The following GPR39 variants were observed in gnomAD, a reference collection of about 807,000 sequenced individuals.
GPR39 encodes G protein-coupled receptor 39.
Under a neutral mutation model 18.4 loss-of-function variants are expected in GPR39, and 23 were observed. The observed-to-expected ratio is 1.25, with a 90% CI of 0.90 to 1.77. The LOEUF (loss-of-function observed/expected upper bound fraction) is 1.77. GPR39 is among the 40% of genes most tolerant of loss of function. The pLI is 0.00. For synonymous variants in GPR39, 280 were observed against 257.9 expected, an observed-to-expected ratio of 1.09 and a Z score of -0.82; for missense variants, 647 against 602.4, an observed-to-expected ratio of 1.07 and a Z score of -0.78.
chr2:132,427,317 C>A (rs1276400895), intron 1 of GPR39, among the ~76,000 whole-genome samples: 1 of 147,220 alleles, frequency 6.8e-6, no homozygotes, highest in Non-Finnish European at 1.5e-5. Flanking sequence ...GCGCCTGCCA[C>A]CACACCTGGC....
Position 132,546,473 on chromosome 2 carries a change from C to T in GPR39, c.857-98628C>T, listed in dbSNP as rs984271729. ...GTTGGGTTAAGACTAATCCTGAGAC[C>T]GTAAGTTGTAGTCCAGCCTAGCTGA... On this transcript the variant is annotated intron_variant, in intron 1 of 1. Coordinates refer to ENST00000329321, the MANE Select transcript of GPR39 (RefSeq NM_001508.3). 3.9e-5 allele frequency among the ~76,000 whole-genome samples: 6 copies of T among 152,100 alleles called. No homozygotes were observed. In the East Asian group the frequency reaches 7.7e-4, roughly 20 times the overall value.
At chr2:132,469,875 C>G (rs530802963) in intron 1 of GPR39, among the ~76,000 whole-genome samples, 27 of 152,240 alleles carry the variant, frequency 1.8e-4, no homozygotes, top group Admixed American at 9.2e-4. Context: ...CTGCTGTGCC[C>G]GAAGTTCTGT....
chr2:132,553,552 G>A (rs1016902132), intron 1 of GPR39, among the ~76,000 whole-genome samples: 10 of 151,942 alleles, frequency 6.6e-5, no homozygotes, highest in Non-Finnish European at 1.3e-4. Context: ...GTCCCTCCTC[G>A]AGGGACACAA....
Position 132,566,491 on chromosome 2 carries a change from C to T in GPR39, c.857-78610C>T, listed in dbSNP as rs140598359. 2.7e-3 allele frequency among the ~76,000 whole-genome samples: 412 copies of T among 152,270 alleles called. 1 individual carries two copies. Among genetic ancestry groups the T allele is most frequent in the African/African-American group, 8.6e-3 (358 of 41,560 alleles). ...AAGCGGGGTGAGGCCACAGAAAAATCTCAAAAGCAGGTGTGTTTGTTTTCA... is the reference window on the plus strand; with the variant it reads ...AAGCGGGGTGAGGCCACAGAAAAATTTCAAAAGCAGGTGTGTTTGTTTTCA... On this transcript the variant is annotated intron_variant, in intron 1 of 1. Transcript: ENST00000329321.
In GPR39 at chr2:132,645,984, T is replaced by A; in HGVS notation, c.*378T>A. 1 of 1,235,450 alleles carries A rather than the reference T, an allele frequency of 8.1e-7. No individual in the cohort carries two copies. The highest frequency in any genetic ancestry group is 1.1e-6 in the Non-Finnish European group (1 of 902,808). The allele number at this position is 1,235,450 out of a possible 1,614,324, so 76.5% of individuals were successfully genotyped here. ...CCCAGAAGAAACTCACTCAGGGAGG[T>A]GGGGGGTTGGGGGCGAGGGCTGGAA... On this transcript the variant is annotated 3_prime_UTR_variant, in exon 2 of 2. Coordinates refer to ENST00000329321, the MANE Select transcript of GPR39 (RefSeq NM_001508.3).
chr2:132,437,598 G>A (rs1680349377), intron 1 of GPR39, among the ~76,000 whole-genome samples: 1 of 152,162 alleles, frequency 6.6e-6, no homozygotes. Flanking sequence ...TGTCATAATA[G>A]TCTTTGGGGG....
In GPR39 at chr2:132,417,416, A is replaced by C. The variant is rs1211725067; in HGVS notation, c.374A>C (p.His125Pro). ...GCCTGCAGCTACGCTACGCTGCTGC[A>C]CGTGCTGACACTCAGCTTTGAGCGC... ...FEACSYATLL[H>P]VLTLSFERYI... Residue 125 changes from histidine to proline, a missense_variant, in exon 1 of 2, where the codon CAC becomes CCC. Physicochemically the swap from His to Pro is moderately conservative, Grantham distance 77 (BLOSUM62 -2). Transcript: ENST00000329321. 1 of 1,614,166 alleles carries C rather than the reference A, an allele frequency of 6.2e-7. No homozygotes were observed. The highest frequency in any genetic ancestry group is 2.2e-5 in the East Asian group (1 of 44,858).
intron 1 of GPR39, among the ~76,000 whole-genome samples, chr2:132,462,099 G>A (rs930679158): frequency 6.6e-6 from 1 of 152,138 alleles, no homozygotes; most frequent in African/African-American, 2.4e-5. Flanking sequence ...AGGGACTCCT[G>A]GCCTAGGTTT....
At chr2:132,447,375 T>C (rs1243924179) in intron 1 of GPR39, among the ~76,000 whole-genome samples, 1 of 152,210 alleles carries the variant, frequency 6.6e-6, no homozygotes, top group Non-Finnish European at 1.5e-5. Context: ...GCTAATATTA[T>C]CAGGGGCGCT....
chr2:132,468,895 C>T (rs1194449621), intron 1 of GPR39, among the ~76,000 whole-genome samples: 6 of 152,166 alleles, frequency 3.9e-5, no homozygotes, highest in South Asian at 2.1e-4. Context: ...TACATTGTCA[C>T]GTAGGCAGTC....
At chr2:132,531,456 G>GTA (rs1679628734) in intron 1 of GPR39, among the ~76,000 whole-genome samples, 2 of 152,120 alleles carry the variant, frequency 1.3e-5, no homozygotes, top group South Asian at 4.1e-4. Flanking sequence ...GAGACAGAAA[G>GTA]TTAACAAGGA....
chr2:132,468,651 A>G (rs528345279), intron 1 of GPR39, among the ~76,000 whole-genome samples: 2 of 152,280 alleles, frequency 1.3e-5, no homozygotes, highest in South Asian at 4.1e-4. Context: ...TTTTAAACAG[A>G]AAACAGAGGT....
chr2:132,531,408 G>A (rs963172138), intron 1 of GPR39, among the ~76,000 whole-genome samples: 1 of 152,174 alleles, frequency 6.6e-6, no homozygotes, highest in African/African-American at 2.4e-5. Context: ...AATAATGGGA[G>A]ACTTTAACAT....
chr2:132,472,490 A>G (rs4290712), intron 1 of GPR39, among the ~76,000 whole-genome samples: 150,955 of 152,240 alleles, frequency 0.99, 74,854 homozygotes, highest in East Asian at 1. Flanking sequence ...CTCTTGAGTG[A>G]GGCTATAGTT....
chr2:132,641,256 C>G (rs987727692), intron 1 of GPR39, among the ~76,000 whole-genome samples: 26 of 152,280 alleles, frequency 1.7e-4, no homozygotes, highest in African/African-American at 6.3e-4. Context: ...GGAAGGCTTT[C>G]TAGGAAAAGA....
chr2:132,642,467 A>G (rs1330281543), intron 1 of GPR39, among the ~76,000 whole-genome samples: 1 of 152,090 alleles, frequency 6.6e-6, no homozygotes, highest in East Asian at 1.9e-4. Context: ...CTTGCTTTTT[A>G]CTGAACTCTG....
rs189751533 is a variant in GPR39, at chr2:132,590,785, A to G, written c.857-54316A>G. Among the ~76,000 whole-genome samples, 707 of 151,496 alleles carry G rather than the reference A, an allele frequency of 4.7e-3. 4 individuals carry two copies. The highest frequency in any genetic ancestry group is 7.5e-3 in the Admixed American group (114 of 15,214). The stretch of plus-strand genomic sequence containing the variant: ...TTGTGGTGGTTAATATTGAGTGTCA[A>G]CTTGACTGGATTGAAGGATGCAAAG... On this transcript the variant is annotated intron_variant, in intron 1 of 1. Transcript: ENST00000329321.
Position 132,645,209 on chromosome 2 carries a change from AC to A in GPR39, c.966del (p.Tyr322Ter). On this transcript the variant is annotated frameshift_variant, in exon 2 of 2. Coordinates refer to ENST00000329321, the MANE Select transcript of GPR39 (RefSeq NM_001508.3). LOFTEE classifies it low-confidence loss of function (END_TRUNC). ...TGGACGAGGTCCTACTTCCGGGCGTACATGATCCTCCTCCCCTTCTCGGAGA... is the reference window on the plus strand; with the variant it reads ...TGGACGAGGTCCTACTTCCGGGCGTAATGATCCTCCTCCCCTTCTCGGAGA... ...HDWTRSYFRA[Y>X]MILLPFSETF... is the part of the protein sequence containing the mutation. The A allele has an allele frequency of 6.2e-7, 1 of 1,614,190 alleles. No individual in the cohort carries two copies. Among genetic ancestry groups the A allele is most frequent in the Non-Finnish European group, 8.5e-7 (1 of 1,180,026 alleles).
intron 1 of GPR39, among the ~76,000 whole-genome samples, chr2:132,642,582 G>A (rs780878119): frequency 6.6e-6 from 1 of 152,200 alleles, no homozygotes; most frequent in Non-Finnish European, 1.5e-5. Context: ...TCAAGAGAAT[G>A]AGGAGCAAAG....
Sources: allele counts gnomAD v4.1 joint callset (sites outside exome capture counted in the v4.1 genomes callset), GRCh38; gene constraint gnomAD v4.1.1; transcripts MANE v1.5; gene names NCBI Gene and HGNC (gene_info 2026-07-23, HGNC 2026-07-21).